The following FER1L6 variants were observed in gnomAD, a reference collection of about 807,000 sequenced individuals.
The protein encoded by FER1L6 is fer-1-like protein 6.
A neutral mutation model predicts 219.2 loss-of-function variants in FER1L6; 177 were observed. That is an observed-to-expected ratio of 0.81 (90% CI 0.71 to 0.91). FER1L6 has a LOEUF of 0.91. Among genes scored for constraint, FER1L6 ranks in the 40% least tolerant of loss-of-function variants. The pLI is 0.00. For synonymous variants in FER1L6, 768 were observed against 824.3 expected, an observed-to-expected ratio of 0.93 and a Z score of 1.17; for missense variants, 2,153 against 2,259.9, an observed-to-expected ratio of 0.95 and a Z score of 0.96.
At position 124,060,186 on chromosome 8, in the gene FER1L6, C is replaced by A. The variant is rs770991907; in HGVS notation, c.2881C>A (p.Pro961Thr). The change falls in exon 23 of 41, where the codon CCT (proline) becomes ACT (threonine). Residue 961 changes from proline (P) to threonine (T), a missense_variant. By Grantham distance (38) the Pro-to-Thr change is conservative. Transcript: ENST00000522917. ...TACTTGCCTTGTGCGGTAGGTTCCTCCTTCTGGGCTGCAAGGCCTCCCACC... is the reference window on the plus strand; with the variant it reads ...TACTTGCCTTGTGCGGTAGGTTCCTACTTCTGGGCTGCAAGGCCTCCCACC... ...LAVFELLQVP[P>T]SGLQGLPPVE... 6.2e-7 allele frequency: 1 copy of A among 1,613,778 alleles called. No homozygotes were observed.
At chr8:123,944,752 T>C (rs1814408537) in intron 1 of FER1L6, among the ~76,000 whole-genome samples, 1 of 152,106 alleles carries the variant, frequency 6.6e-6, no homozygotes, top group African/African-American at 2.4e-5. Flanking sequence ...CAGTATGCTG[T>C]GAAAATACTA....
At chr8:124,044,092 C>T (rs556283334) in intron 20 of FER1L6, among the ~76,000 whole-genome samples, 8 of 152,142 alleles carry the variant, frequency 5.3e-5, no homozygotes, top group South Asian at 2.1e-4. Context: ...AAGAAGATAC[C>T]GAAATATTTC....
At chr8:123,943,830 G>A (rs1814361201) in intron 1 of FER1L6, among the ~76,000 whole-genome samples, 2 of 152,054 alleles carry the variant, frequency 1.3e-5, no homozygotes. Context: ...GAGGGCAAAG[G>A]GGCTGGGCTT....
At chr8:124,037,090 A>T (rs1819251769) in intron 19 of FER1L6, among the ~76,000 whole-genome samples, 1 of 152,230 alleles carries the variant, frequency 6.6e-6, no homozygotes, top group Non-Finnish European at 1.5e-5. Flanking sequence ...GGGTGACTAG[A>T]TTAGTCCCAG....
chr8:123,869,511 C>G (rs768618105), intron 1 of FER1L6, among the ~76,000 whole-genome samples: 1 of 152,118 alleles, frequency 6.6e-6, no homozygotes, highest in Non-Finnish European at 1.5e-5. Context: ...TGGTGCTACC[C>G]ACTCCCTAAA....
intron 1 of FER1L6, among the ~76,000 whole-genome samples, chr8:123,899,239 C>A (rs1291786369): frequency 1.3e-5 from 2 of 152,072 alleles, no homozygotes; most frequent in East Asian, 3.8e-4. Flanking sequence ...TTTTGATTGG[C>A]AATTCCCTGA....
intron 39 of FER1L6, among the ~76,000 whole-genome samples, chr8:124,118,125 T>TGTGGCATA (rs1190628887): frequency 6.6e-6 from 1 of 152,062 alleles, no homozygotes; most frequent in Non-Finnish European, 1.5e-5. Flanking sequence ...TAGAACAGTG[T>TGTGGCATA]GTGGCATACA....
chr8:123,927,696 A>C (rs1197826668), intron 1 of FER1L6, among the ~76,000 whole-genome samples: 1 of 152,172 alleles, frequency 6.6e-6, no homozygotes, highest in Admixed American at 6.5e-5. Context: ...GTATTATCTT[A>C]CTTTATTGAC....
chr8:123,857,220 T>C (rs888714674), intron 1 of FER1L6, among the ~76,000 whole-genome samples: 2 of 152,200 alleles, frequency 1.3e-5, no homozygotes, highest in Non-Finnish European at 2.9e-5. Flanking sequence ...TATTAAAAAG[T>C]AGTCCAGGCC....
At chr8:123,991,298 A>C (rs1816843100) in intron 12 of FER1L6, among the ~76,000 whole-genome samples, 1 of 152,108 alleles carries the variant, frequency 6.6e-6, no homozygotes. Flanking sequence ...TTGCTTTGAG[A>C]AGTATGGTCA....
At chr8:123,867,542 C>T (rs145854993) in intron 1 of FER1L6, among the ~76,000 whole-genome samples, 1 of 152,270 alleles carries the variant, frequency 6.6e-6, no homozygotes, top group Non-Finnish European at 1.5e-5. Context: ...CTGTGTGATG[C>T]TGGGCAAATT....
At chr8:123,897,706 C>A (rs1198100230) in intron 1 of FER1L6, among the ~76,000 whole-genome samples, 2 of 152,152 alleles carry the variant, frequency 1.3e-5, no homozygotes, top group African/African-American at 4.8e-5. Flanking sequence ...TGTAAGAATA[C>A]ATCATTCATT....
At chr8:124,009,488 T>A (rs1586585546) in intron 13 of FER1L6, among the ~76,000 whole-genome samples, 1 of 151,146 alleles carries the variant, frequency 6.6e-6, no homozygotes, top group Non-Finnish European at 1.5e-5. Context: ...GAGCTGAAGA[T>A]CCCAGAGGAG....
chr8:123,949,893 G>A (rs531044539), intron 1 of FER1L6, among the ~76,000 whole-genome samples: 78 of 152,288 alleles, frequency 5.1e-4, no homozygotes, highest in African/African-American at 1.8e-3. Context: ...GGGGAGTAAA[G>A]GAAAAGCAGA....
intron 1 of FER1L6, among the ~76,000 whole-genome samples, chr8:123,933,873 G>A (rs1049230405): frequency 3.9e-5 from 6 of 152,090 alleles, no homozygotes; most frequent in Non-Finnish European, 7.4e-5. Flanking sequence ...ATCTGCAGAA[G>A]CATTTCAAGA....
At chr8:123,908,451 G>T (rs61508221) in intron 1 of FER1L6, among the ~76,000 whole-genome samples, 1 of 152,186 alleles carries the variant, frequency 6.6e-6, no homozygotes, top group African/African-American at 2.4e-5. Context: ...TAGAACTTTA[G>T]AAAACAGTTT....
At position 123,986,168 on chromosome 8, in the gene FER1L6, T is replaced by C; in HGVS notation, c.1511T>C (p.Val504Ala). The change falls in exon 12 of 41, where the codon GTT becomes GCT. Residue 504 changes from valine (V) to alanine (A), a missense_variant. By Grantham distance (64) the Val-to-Ala change is moderately conservative. Transcript: ENST00000522917. ...GGAGATAAACCCATCAGCTTTGAAGTTTCTATTGGTAAGTACAGATAAGCA... is the reference window on the plus strand; with the variant it reads ...GGAGATAAACCCATCAGCTTTGAAGCTTCTATTGGTAAGTACAGATAAGCA... ...KIGDKPISFE[V>A]SIGNFGNLID... 1 of 1,598,198 alleles carries C rather than the reference T, an allele frequency of 6.3e-7. No individual in the cohort carries two copies. The highest frequency in any genetic ancestry group is 1.1e-5 in the South Asian group (1 of 90,716).
chr8:124,040,020 C>T lies in FER1L6; in HGVS notation c.2589+14C>T, dbSNP rs751272794. 1.2e-6 allele frequency: 2 copies of T among 1,613,976 alleles called. No individual in the cohort carries two copies. Among genetic ancestry groups the T allele is most frequent in the Admixed American group, 3.3e-5 (2 of 60,014 alleles). Reference sequence around the variant, plus strand: ...CAGACAACAAAGGTAACCAGGGTAACCAAGACAGCCTGCTTCTTTCCTGCA... The same window carrying T: ...CAGACAACAAAGGTAACCAGGGTAATCAAGACAGCCTGCTTCTTTCCTGCA... On this transcript the variant is annotated intron_variant, in intron 20 of 40. Transcript: ENST00000522917.
At chr8:124,070,317 C>A (rs1266832942) in intron 29 of FER1L6, 150 bp from the exon 30 acceptor site, 4 of 757,292 alleles carry the variant, frequency 5.3e-6, no homozygotes, top group Non-Finnish European at 8.5e-6. Context: ...AATCCACGTT[C>A]CTTATCTCAC....
Sources: gnomAD v4.1 joint callset for allele counts (sites outside exome capture counted in the v4.1 genomes callset) on GRCh38, gnomAD v4.1.1 for gene constraint, MANE v1.5 for transcripts, NCBI Gene and HGNC (gene_info 2026-07-23, HGNC 2026-07-21) for gene names.